Variants in MEF2D observed in about 807,000 individuals in gnomAD.
The protein encoded by MEF2D is myocyte-specific enhancer factor 2D.
In MEF2D, 10 loss-of-function variants were observed where a neutral mutation model predicts 59.3. The observed-to-expected ratio is 0.17, with a 90% CI of 0.10 to 0.29. The LOEUF is 0.29. MEF2D is among the 10% of genes least tolerant of loss of function. The probability of loss-of-function intolerance (pLI) is 1.00; values close to 1 mark genes in which losing one functional copy is unlikely to be tolerated. For missense variants in MEF2D, 508 were observed against 699.4 expected (o/e 0.73, Z 3.09); for synonymous variants, 305 against 295.0 (o/e 1.03, Z -0.35).
chr1:156,478,912 G>C (rs1000816628), intron 6 of MEF2D, among the ~76,000 whole-genome samples: 5 of 152,182 alleles, frequency 3.3e-5, no homozygotes, highest in Non-Finnish European at 7.3e-5. Flanking sequence ...GCACTTATGT[G>C]TGTTGAGTGC....
At chr1:156,498,114 A>C (rs1040617093) in intron 1 of MEF2D, among the ~76,000 whole-genome samples, 11 of 150,856 alleles carry the variant, frequency 7.3e-5, no homozygotes, top group South Asian at 2.1e-4. Context: ...AAAAAAAAAA[A>C]AAAAAAAAAA....
At chr1:156,487,004 C>T (rs993880894) in intron 1 of MEF2D, among the ~76,000 whole-genome samples, 1 of 152,224 alleles carries the variant, frequency 6.6e-6, no homozygotes, top group African/African-American at 2.4e-5. Flanking sequence ...CCTCCAACCA[C>T]CCCTGGTATC....
At chr1:156,479,536 C>T in intron 5 of MEF2D, 50 bp downstream of exon 5, 1 of 1,541,880 alleles carries the variant, frequency 6.5e-7, no homozygotes, top group African/African-American at 1.4e-5. Flanking sequence ...TCCCAAAGTC[C>T]CCATCACATC....
At chr1:156,476,214 C>A (rs1484005267) in intron 8 of MEF2D, among the ~76,000 whole-genome samples, 1 of 152,208 alleles carries the variant, frequency 6.6e-6, no homozygotes, top group Non-Finnish European at 1.5e-5. Context: ...CCCTCGCACA[C>A]GTACATACAG....
chr1:156,468,107 C>G lies in MEF2D; in HGVS notation c.1440G>C (p.Thr480=). 6.2e-7 allele frequency: 1 copy of G among 1,614,058 alleles called. No homozygotes were observed. The highest frequency in any genetic ancestry group is 8.5e-7 in the Non-Finnish European group (1 of 1,179,974). Residue 480 remains threonine (T), a synonymous_variant, in exon 11 of 12, where the codon ACG becomes ACC. Coordinates refer to ENST00000348159, the MANE Select transcript of MEF2D (RefSeq NM_005920.4). This position sits in a 1 kb window ranked among gnomAD's most constrained non-coding sequence, Gnocchi z 4.3. The part of the protein sequence containing the change: ...LSSPAGGSYE[T]GDRDDGRGDF... ...CCCCCCGTCCGTCATCCCGGTCTCCCGTCTCATAGGATCCCCCGGCTGGGC... is the reference window on the plus strand; with the variant it reads ...CCCCCCGTCCGTCATCCCGGTCTCCGGTCTCATAGGATCCCCCGGCTGGGC...
intron 3 of MEF2D, among the ~76,000 whole-genome samples, chr1:156,481,225 T>C (rs977715581): frequency 2.0e-5 from 3 of 152,076 alleles, no homozygotes; most frequent in Non-Finnish European, 4.4e-5. Flanking sequence ...GGGGTGCACT[T>C]GGCAGGGAGA....
At chr1:156,493,531 G>A (rs1672945727) in intron 1 of MEF2D, among the ~76,000 whole-genome samples, 1 of 151,778 alleles carries the variant, frequency 6.6e-6, no homozygotes. Context: ...GGTGCCAGGT[G>A]AGGCTAAGAT....
chr1:156,472,081 C>A (rs1671268019), intron 9 of MEF2D, among the ~76,000 whole-genome samples: 3 of 152,240 alleles, frequency 2.0e-5, no homozygotes, highest in Admixed American at 2.0e-4. Context: ...GTGGGCCCAA[C>A]AAGATGGCAG....
intron 1 of MEF2D, among the ~76,000 whole-genome samples, chr1:156,495,944 C>A (rs537435976): frequency 6.6e-6 from 1 of 152,228 alleles, no homozygotes; most frequent in African/African-American, 2.4e-5. Context: ...TGGCCAGCGA[C>A]AGGCCAGAGC....
In MEF2D at chr1:156,479,270, A is replaced by G; in HGVS notation, c.664+20T>C. 1 of 1,600,584 alleles carries G rather than the reference A, an allele frequency of 6.2e-7. No homozygotes were observed. The highest frequency in any genetic ancestry group is 8.5e-7 in the Non-Finnish European group (1 of 1,174,446). The stretch of plus-strand genomic sequence containing the variant: ...CGGGCACCCCTCCCCACCTCCAGGT[A>G]GAAGGATGACTGCACTCACCAACAG... On this transcript the variant is annotated intron_variant, in intron 6 of 11. Transcript: ENST00000348159.
At chr1:156,489,411 G>A (rs1376195752) in intron 1 of MEF2D, among the ~76,000 whole-genome samples, 1 of 152,156 alleles carries the variant, frequency 6.6e-6, no homozygotes, top group African/African-American at 2.4e-5. Context: ...GGGTGGCAGA[G>A]GGGGGACAGA....
intron 11 of MEF2D, 33 bp downstream of exon 11, chr1:156,467,960 C>T (rs1670966245): frequency 6.3e-7 from 1 of 1,588,766 alleles, no homozygotes; most frequent in Non-Finnish European, 8.6e-7. Context: ...GTGTAGCAGA[C>T]ACTGGCAGAC....
Position 156,480,964 on chromosome 1 carries a change from C to G in MEF2D, c.266G>C (p.Arg89Thr). 6.2e-7 allele frequency: 1 copy of G among 1,611,926 alleles called. No homozygotes were observed. Among genetic ancestry groups the G allele is most frequent in the Non-Finnish European group, 8.5e-7 (1 of 1,179,930 alleles). ...GTCGCAGCCGTTGAAGCCCTTCTTC[C>G]TCAGGGTCTGTAACCGCACCACTGC... is the stretch of plus-strand genomic sequence containing the variant. ...RTNADIIETLRKKGFNGCDSP... is the reference protein window; with the variant it reads ...RTNADIIETLTKKGFNGCDSP... The change falls in exon 4 of 12, where the codon AGG becomes ACG. Residue 89 changes from arginine to threonine, a missense_variant. By Grantham distance (71) the Arg-to-Thr change is moderately conservative. Around this residue, in one of 2 missense-constraint regions of MEF2D, gnomAD observed 481 missense variants for 584.7 expected, o/e 0.82. Coordinates refer to ENST00000348159, the MANE Select transcript of MEF2D (RefSeq NM_005920.4).
chr1:156,468,667 C>T lies in MEF2D; in HGVS notation c.1247+113G>A. ...CCTAACAGACTGTGCAGTGCACAGC[C>T]TCATAGGATGTCCACTAGAACCCTG... On this transcript the variant is annotated intron_variant, in intron 10 of 11. Coordinates refer to ENST00000348159, the MANE Select transcript of MEF2D (RefSeq NM_005920.4). This position sits in a 1 kb window ranked among gnomAD's most constrained non-coding sequence, Gnocchi z 4.3. 1 of 1,508,990 alleles carries T rather than the reference C, an allele frequency of 6.6e-7. No individual in the cohort carries two copies. The highest frequency in any genetic ancestry group is 1.3e-5 in the South Asian group (1 of 79,484). 93.5% of individuals were successfully genotyped at this position (1,508,990 alleles called of 1,614,324 possible).
intron 4 of MEF2D, among the ~76,000 whole-genome samples, chr1:156,480,385 C>G (rs981967590): frequency 6.6e-6 from 1 of 151,996 alleles, no homozygotes; most frequent in African/African-American, 2.4e-5. Context: ...CTCCACTTTG[C>G]TGTCCTCTAA....
chr1:156,476,223 A>G (rs1012381806), intron 8 of MEF2D, among the ~76,000 whole-genome samples: 4 of 152,212 alleles, frequency 2.6e-5, no homozygotes, highest in Admixed American at 1.3e-4. Context: ...ACGTACATAC[A>G]GAGAAAGGTG....
At chr1:156,495,872 C>T (rs1479739092) in intron 1 of MEF2D, among the ~76,000 whole-genome samples, 2 of 151,408 alleles carry the variant, frequency 1.3e-5, no homozygotes, top group African/African-American at 4.9e-5. Flanking sequence ...GTGACCAGGC[C>T]TAGAGCCCAG....
Position 156,468,610 on chromosome 1 carries a change from C to A in MEF2D, c.1247+170G>T, listed in dbSNP as rs547900567. Among the ~76,000 whole-genome samples, 1 of 152,230 alleles carries A rather than the reference C, an allele frequency of 6.6e-6. No individual in the cohort carries two copies. The highest frequency in any genetic ancestry group is 2.1e-4 in the South Asian group (1 of 4,824). Reference sequence around the variant, plus strand: ...GGGGTTCAGGGTGAGCCTCTTGGGTCTGTACAAGAGAGCCCAGGGGTGCCA... The same window carrying A: ...GGGGTTCAGGGTGAGCCTCTTGGGTATGTACAAGAGAGCCCAGGGGTGCCA... On this transcript the variant is annotated intron_variant, in intron 10 of 11. Transcript: ENST00000348159. The surrounding 1 kb of genome is among the most constrained non-coding windows in gnomAD (Gnocchi z 4.3).
intron 9 of MEF2D, among the ~76,000 whole-genome samples, chr1:156,470,288 G>A (rs770463106): frequency 8.6e-5 from 13 of 151,960 alleles, no homozygotes; most frequent in African/African-American, 2.2e-4. Context: ...AGGCGGTGGC[G>A]CGCACCTGTA....
Sources: gnomAD v4.1 joint callset for allele counts (sites outside exome capture counted in the v4.1 genomes callset) on GRCh38, gnomAD v4.1.1 for gene constraint, gnomAD v4.1.1 regional missense constraint, Gnocchi (gnomAD v3.1) non-coding constraint, MANE v1.5 for transcripts, NCBI Gene and HGNC (gene_info 2026-07-23, HGNC 2026-07-21) for gene names.